The following SMG1 variants were observed in gnomAD, a reference collection of about 807,000 sequenced individuals.
SMG1 encodes serine/threonine-protein kinase SMG1.
In SMG1, 22 loss-of-function variants were observed where a neutral mutation model predicts 419.9. That is an observed-to-expected ratio of 0.05 (90% CI 0.04 to 0.07). SMG1 has a LOEUF of 0.07. Ranked by LOEUF, SMG1 falls within the 10% of genes least tolerant of loss-of-function variation. The pLI, the probability that SMG1 is intolerant of heterozygous loss-of-function variation, is 1.00. For synonymous variants in SMG1, 1,538 were observed against 1,553.5 expected, an observed-to-expected ratio of 0.99 and a Z score of 0.23; for missense variants, 3,185 against 4,342.0, an observed-to-expected ratio of 0.73 and a Z score of 7.49.
In SMG1 at chr16:18,829,639, C is replaced by T. The variant is rs1158293484; in HGVS notation, c.9250G>A (p.Ala3084Thr). ...SEDQMAKPIK[A>T]FTADFVRQLL... is the part of the protein sequence containing the mutation. ...TGCCTCACAAAGTCAGCTGTGAATG[C>T]CTTGATAGGTTTGGCCATTTGGTCT... The change falls in exon 54 of 63, where the codon GCA (alanine) becomes ACA (threonine). Residue 3084 changes from alanine to threonine, a missense_variant. By Grantham distance (58) the Ala-to-Thr change is moderately conservative. Transcript: ENST00000446231. 1.5e-5 allele frequency: 24 copies of T among 1,613,976 alleles called. No individual in the cohort carries two copies. The highest frequency in any genetic ancestry group is 2.2e-5 in the South Asian group (2 of 91,074).
intron 1 of SMG1, among the ~76,000 whole-genome samples, chr16:18,902,789 C>T (rs2037400496): frequency 6.6e-6 from 1 of 151,868 alleles, no homozygotes; most frequent in Non-Finnish European, 1.5e-5. Context: ...GACTGGACTC[C>T]CTCTTACTCT....
At chr16:18,815,897 G>C (rs1289948041) in intron 58 of SMG1, 1 of 502,106 alleles carries the variant, frequency 2.0e-6, no homozygotes, top group African/African-American at 1.9e-5. Flanking sequence ...TGGAGGCTTA[G>C]TTTTCTTACT....
At position 18,805,250 on chromosome 16, in the gene SMG1, G is replaced by C. The variant is rs1448053946; in HGVS notation, c.*4319C>G. ...AAAAATGACACAATAACTTTAAAGA[G>C]GAGCTGAAACTTTGTCAAAAAAAGA... On this transcript the variant is annotated 3_prime_UTR_variant, in exon 63 of 63. Transcript: ENST00000446231. 1.3e-5 allele frequency: 2 copies of C among 152,138 alleles called. No individual in the cohort carries two copies. The highest frequency in any genetic ancestry group is 2.4e-5 in the African/African-American group (1 of 41,424). The allele number at this position is 152,138 out of a possible 1,614,324, so 9.4% of individuals were successfully genotyped here.
At chr16:18,885,747 C>T (rs1318509031) in intron 6 of SMG1, 81 bp from the exon 7 acceptor site, 3 of 1,325,758 alleles carry the variant, frequency 2.3e-6, no homozygotes, top group Non-Finnish European at 3.2e-6. Context: ...TATTTACTGA[C>T]TACATAAAAA....
intron 6 of SMG1, among the ~76,000 whole-genome samples, chr16:18,886,454 A>G (rs1416342771): frequency 6.6e-6 from 1 of 152,228 alleles, no homozygotes; most frequent in Non-Finnish European, 1.5e-5. Context: ...TCCCTAAAAA[A>G]GGAAAAGCTC....
intron 26 of SMG1, among the ~76,000 whole-genome samples, chr16:18,860,175 G>A (rs1337884693): frequency 2.0e-5 from 3 of 152,164 alleles, no homozygotes; most frequent in African/African-American, 4.8e-5. Context: ...CCGAGATTGC[G>A]CCACTGCACT....
At chr16:18,883,245 C>G (rs1052175414) in intron 9 of SMG1, among the ~76,000 whole-genome samples, 1 of 152,312 alleles carries the variant, frequency 6.6e-6, no homozygotes, top group South Asian at 2.1e-4. Flanking sequence ...TAAGCCACGA[C>G]AGTGGGGCCA....
intron 4 of SMG1, 151 bp downstream of exon 4, chr16:18,892,067 T>C (rs1292864039): frequency 4.8e-6 from 3 of 622,018 alleles, no homozygotes; most frequent in Non-Finnish European, 8.6e-6. Context: ...ATCTTGTCTT[T>C]AAGAAGAAAA....
chr16:18,816,203 T>C (rs1284902323), intron 58 of SMG1, 99 bp downstream of exon 58: 3 of 930,234 alleles, frequency 3.2e-6, no homozygotes, highest in Non-Finnish European at 4.8e-6. Flanking sequence ...TGAGATAAAT[T>C]GTTATTTACA....
chr16:18,896,523 C>T (rs958254233), intron 2 of SMG1, among the ~76,000 whole-genome samples: 7 of 151,966 alleles, frequency 4.6e-5, no homozygotes, highest in Admixed American at 4.6e-4. Flanking sequence ...TCAACCTTAG[C>T]TAAATATTTT....
chr16:18,838,025 C>A lies in SMG1; in HGVS notation c.7402G>T (p.Ala2468Ser), dbSNP rs1485456203. The A allele has an allele frequency of 6.2e-7, 1 of 1,613,916 alleles. No individual in the cohort carries two copies. Among genetic ancestry groups the A allele is most frequent in the East Asian group, 2.2e-5 (1 of 44,886 alleles). The stretch of plus-strand genomic sequence containing the variant: ...TCACTGGGCTTCACCTTAATCTCAG[C>A]TACTCTAGAAGAAAACAGGCTGCGG... ...ITRSLFSSRV[A>S]EIKVNWFKNR... The change falls in exon 45 of 63, where the codon GCT becomes TCT. Residue 2468 changes from alanine to serine, a missense_variant. Physicochemically the swap from Ala to Ser is moderately conservative, Grantham distance 99 (BLOSUM62 1). Coordinates refer to ENST00000446231, the MANE Select transcript of SMG1 (RefSeq NM_015092.5).
intron 1 of SMG1, among the ~76,000 whole-genome samples, chr16:18,918,558 T>A (rs1347084047): frequency 6.6e-6 from 1 of 152,186 alleles, no homozygotes; most frequent in Non-Finnish European, 1.5e-5. Flanking sequence ...CAGGTTTTTG[T>A]TTTTGTTTTT....
At chr16:18,874,552 G>A (rs1277712158) in intron 13 of SMG1, among the ~76,000 whole-genome samples, 45 of 120,188 alleles carry the variant, frequency 3.7e-4, no homozygotes, top group Non-Finnish European at 6.1e-4. Context: ...GGGCCATGTC[G>A]AATTACTTAA....
chr16:18,868,949 A>C (rs2035665731), intron 20 of SMG1, among the ~76,000 whole-genome samples, 155 bp downstream of exon 20: 1 of 152,252 alleles, frequency 6.6e-6, no homozygotes. Flanking sequence ...CAATGCAATT[A>C]TTCAATGAAA....
chr16:18,846,092 G>GTA (rs963067016), intron 38 of SMG1, among the ~76,000 whole-genome samples: 2 of 152,030 alleles, frequency 1.3e-5, no homozygotes, highest in African/African-American at 4.8e-5. Context: ...AGAATTACAG[G>GTA]TATGAGTCAC....
intron 1 of SMG1, among the ~76,000 whole-genome samples, chr16:18,901,498 G>A (rs1335023271): frequency 2.0e-5 from 3 of 152,184 alleles, no homozygotes; most frequent in African/African-American, 7.2e-5. Context: ...AGAAGCATGA[G>A]TGACCACATC....
Position 18,869,957 on chromosome 16 carries a change from C to T in SMG1, c.2530G>A (p.Ala844Thr), listed in dbSNP as rs554442946. 150 of 1,534,992 alleles carry T rather than the reference C, an allele frequency of 9.8e-5. 1 individual carries two copies. The highest frequency in any genetic ancestry group is 1.2e-4 in the Non-Finnish European group (135 of 1,139,654). The change falls in exon 19 of 63, where the codon GCA becomes ACA. Residue 844 changes from alanine to threonine, a missense_variant. Ala to Thr is a moderately conservative substitution (Grantham distance 58, BLOSUM62 0). Coordinates refer to ENST00000446231, the MANE Select transcript of SMG1 (RefSeq NM_015092.5). ...NHTEIQEISL[A>T]LRSHMSKAPS... ...GCTTTACTCATGTGACTTCTTAATG[C>T]TAAAGAAATTTCTTGAATTTCTGTG...
At chr16:18,875,036 A>C (rs1007732019) in intron 13 of SMG1, 1 of 151,734 alleles carries the variant, frequency 6.6e-6, no homozygotes, top group African/African-American at 2.4e-5. Context: ...ATAAAATGAG[A>C]TATGTGGAGG....
rs2035777000 is a variant in SMG1 at position 18,870,825 on chromosome 16, G to A, written c.2366C>T (p.Ser789Phe). ...ACSSLHALSS[S>F]LPDDLLQRCV... ...CCTCTGTAAAAGATCATCTGGCAAG[G>A]AAGAGGACAGAGCATGTAGACTGCT... The change falls in exon 17 of 63, where the codon TCC becomes TTC. Residue 789 changes from serine (S) to phenylalanine (F), a missense_variant. Around this residue, in one of 27 missense-constraint regions of SMG1, gnomAD observed 297 missense variants for 491.0 expected, o/e 0.60. Transcript: ENST00000446231. The A allele has an allele frequency of 6.3e-7, 1 of 1,587,314 alleles. No individual in the cohort carries two copies. The highest frequency in any genetic ancestry group is 1.8e-5 in the Admixed American group (1 of 56,344).
Sources: gnomAD v4.1 joint callset for allele counts (sites outside exome capture counted in the v4.1 genomes callset) on GRCh38, gnomAD v4.1.1 for gene constraint, gnomAD v4.1.1 regional missense constraint, MANE v1.5 for transcripts, NCBI Gene and HGNC (gene_info 2026-07-23, HGNC 2026-07-21) for gene names.